KBTBD12: variants seen among roughly 807,000 people sequenced by gnomAD.
KBTBD12 encodes kelch repeat and BTB domain-containing protein 12.
KBTBD12 carries 53 observed loss-of-function variants against 58.7 expected under a neutral mutation model. The ratio of observed to expected loss-of-function variants is 0.90; its 90% confidence interval spans 0.72 to 1.14. KBTBD12 has a LOEUF of 1.14. Ranked by LOEUF, KBTBD12 falls within the 50% of genes most tolerant of loss-of-function variation. KBTBD12 has a pLI of 0.00. For synonymous variants in KBTBD12, 236 were observed against 259.8 expected (o/e 0.91, Z 0.88); for missense variants, 704 against 751.3 (o/e 0.94, Z 0.74).
In KBTBD12 at chr3:127,983,215, C is replaced by A. The variant is rs117531004; in HGVS notation, c.1691-882C>A. On this transcript the variant is annotated intron_variant, in intron 5 of 5. Coordinates refer to ENST00000405109, the MANE Select transcript of KBTBD12 (RefSeq NM_207335.4). ...CGTTTCTTAGAAATCAGGAACACTG[C>A]CTTCCATTTAAAGTATCTTTATTCA... 2.8e-4 allele frequency among the ~76,000 whole-genome samples: 42 copies of A among 152,314 alleles called. No individual in the cohort carries two copies. The East Asian group carries it at 7.9e-3, about 29-fold the overall frequency.
rs897113089 is a variant in KBTBD12 at position 127,933,239 on chromosome 3, A to G, written c.1492+2956A>G. Among the ~76,000 whole-genome samples the G allele has an allele frequency of 1.1e-4, 16 of 152,324 alleles. No individual in the cohort carries two copies. In the South Asian group the frequency reaches 3.3e-3, roughly 32 times the overall value. ...AGTAAGACTTCAGGCAGTCTGTAGC[A>G]TTCTCTCCTGAGGTGCTGTTCCTCA... On this transcript the variant is annotated intron_variant, in intron 4 of 5. Coordinates refer to ENST00000405109, the MANE Select transcript of KBTBD12 (RefSeq NM_207335.4).
At chr3:127,961,105 C>A (rs1940430373) in intron 4 of KBTBD12, among the ~76,000 whole-genome samples, 1 of 152,180 alleles carries the variant, frequency 6.6e-6, no homozygotes, top group African/African-American at 2.4e-5. Flanking sequence ...AGCCTAGTAA[C>A]ATTTCTCCTG....
intron 4 of KBTBD12, among the ~76,000 whole-genome samples, chr3:127,958,245 C>A (rs1020164959): frequency 5.9e-5 from 9 of 152,060 alleles, no homozygotes; most frequent in African/African-American, 2.2e-4. Context: ...TCAGCAGAGT[C>A]GGTGACTGCT....
chr3:127,920,542 A>C (rs1939375482), intron 1 of KBTBD12, among the ~76,000 whole-genome samples: 1 of 152,156 alleles, frequency 6.6e-6, no homozygotes, highest in Non-Finnish European at 1.5e-5. Context: ...CAGAACATGG[A>C]GAGTTTCCTA....
At chr3:127,981,007 C>T (rs1940864074) in intron 5 of KBTBD12, among the ~76,000 whole-genome samples, 1 of 152,192 alleles carries the variant, frequency 6.6e-6, no homozygotes, top group Non-Finnish European at 1.5e-5. Flanking sequence ...TATTTCCAAA[C>T]ATACTTTTTT....
At chr3:127,965,983 A>T (rs1199295201) in intron 5 of KBTBD12, among the ~76,000 whole-genome samples, 1 of 152,226 alleles carries the variant, frequency 6.6e-6, no homozygotes, top group Non-Finnish European at 1.5e-5. Flanking sequence ...AATGAAAATG[A>T]TACTGAAAAC....
At chr3:127,969,266 T>C (rs374785022) in intron 5 of KBTBD12, among the ~76,000 whole-genome samples, 154 of 152,216 alleles carry the variant, frequency 1.0e-3, no homozygotes, top group African/African-American at 3.6e-3. Flanking sequence ...AAAATTGTAT[T>C]TCTATACACT....
At chr3:127,936,505 C>A (rs1035267000) in intron 4 of KBTBD12, among the ~76,000 whole-genome samples, 1 of 152,148 alleles carries the variant, frequency 6.6e-6, no homozygotes, top group African/African-American at 2.4e-5. Context: ...TATCAACCAA[C>A]TTTACTTACC....
chr3:127,945,405 C>T (rs1229538552), intron 4 of KBTBD12, among the ~76,000 whole-genome samples: 4 of 150,880 alleles, frequency 2.7e-5, no homozygotes, highest in Non-Finnish European at 5.9e-5. Context: ...AGGATGGTCT[C>T]GATCTCCTGA....
intron 1 of KBTBD12, among the ~76,000 whole-genome samples, chr3:127,922,107 C>T (rs749947772): frequency 1.2e-4 from 19 of 152,032 alleles, no homozygotes; most frequent in Admixed American, 4.6e-4. Flanking sequence ...AATTAACTTC[C>T]TTGAAACATC....
intron 5 of KBTBD12, among the ~76,000 whole-genome samples, chr3:127,964,411 A>T (rs1432210583): frequency 2.0e-5 from 3 of 151,958 alleles, no homozygotes; most frequent in Non-Finnish European, 4.4e-5. Flanking sequence ...AGGCAGGCAG[A>T]TCACAAGGTC....
intron 3 of KBTBD12, among the ~76,000 whole-genome samples, chr3:127,929,056 C>A (rs1176995631): frequency 1.3e-5 from 2 of 152,076 alleles, no homozygotes; most frequent in Non-Finnish European, 2.9e-5. Flanking sequence ...ATTTTGCATG[C>A]ATAAGCCCCA....
intron 5 of KBTBD12, among the ~76,000 whole-genome samples, chr3:127,971,518 T>C (rs1281582388): frequency 1.3e-5 from 2 of 152,218 alleles, no homozygotes; most frequent in Non-Finnish European, 2.9e-5. Flanking sequence ...CTTGCCAGGC[T>C]CTGGTTTCTG....
At chr3:127,940,035 A>T (rs548892728) in intron 4 of KBTBD12, among the ~76,000 whole-genome samples, 2 of 152,308 alleles carry the variant, frequency 1.3e-5, no homozygotes, top group South Asian at 4.1e-4. Context: ...ATAATGATAA[A>T]ATAATTGATT....
At chr3:127,935,369 G>A (rs963873689) in intron 4 of KBTBD12, among the ~76,000 whole-genome samples, 1 of 152,132 alleles carries the variant, frequency 6.6e-6, no homozygotes, top group Non-Finnish European at 1.5e-5. Flanking sequence ...TGTTTGTAAT[G>A]AAATCAACTC....
chr3:127,971,112 C>T (rs2107614176), intron 5 of KBTBD12, among the ~76,000 whole-genome samples: 1 of 152,144 alleles, frequency 6.6e-6, no homozygotes, highest in Non-Finnish European at 1.5e-5. Flanking sequence ...CAGAAATGGC[C>T]CATTCCAGAG....
At chr3:127,983,463 A>G (rs1225772950) in intron 5 of KBTBD12, among the ~76,000 whole-genome samples, 1 of 152,160 alleles carries the variant, frequency 6.6e-6, no homozygotes, top group African/African-American at 2.4e-5. Flanking sequence ...GCTGTTAAAA[A>G]TAGTCTGGCA....
rs1194108337 is a variant in KBTBD12 at position 127,985,865 on chromosome 3, CCT to C, written c.*1588_*1589del. 1 of 152,410 alleles carries C rather than the reference CCT, an allele frequency of 6.6e-6. No individual in the cohort carries two copies. Among genetic ancestry groups the C allele is most frequent in the Non-Finnish European group, 1.5e-5 (1 of 68,182 alleles). 9.4% of individuals were successfully genotyped at this position (152,410 alleles called of 1,614,324 possible). A position where few individuals can be genotyped will look rare whatever the true frequency, so the allele number is the denominator to read the frequency against. On this transcript the variant is annotated 3_prime_UTR_variant, in exon 6 of 6. Coordinates refer to ENST00000405109, the MANE Select transcript of KBTBD12 (RefSeq NM_207335.4). ...GGGGCAGTGTTTCTCAATCAGAGGG[CCT>C]GGGCCCCGAGCACGTCCAGGAATCT... is the stretch of plus-strand genomic sequence containing the variant.
intron 5 of KBTBD12, among the ~76,000 whole-genome samples, chr3:127,969,705 C>G (rs979105399): frequency 3.3e-5 from 5 of 152,104 alleles, no homozygotes; most frequent in Non-Finnish European, 5.9e-5. Context: ...GCTGCCAAGA[C>G]AAGTCAGTGA....
Sources: gnomAD v4.1 joint callset for allele counts (sites outside exome capture counted in the v4.1 genomes callset) on GRCh38, gnomAD v4.1.1 for gene constraint, MANE v1.5 for transcripts, NCBI Gene and HGNC (gene_info 2026-07-23, HGNC 2026-07-21) for gene names.